ZNF608: variants seen among roughly 807,000 people sequenced by gnomAD.
ZNF608 encodes zinc finger protein 608, also known as renal carcinoma antigen NY-REN-36.
ZNF608 carries 12 observed loss-of-function variants against 109.0 expected under a neutral mutation model. The observed-to-expected ratio is 0.11, with a 90% confidence interval of 0.07 to 0.18. The LOEUF (loss-of-function observed/expected upper bound fraction) is 0.18, where lower values mean the gene tolerates loss of function less well. Ranked by LOEUF, ZNF608 falls within the 10% of genes least tolerant of loss-of-function variation. The probability of loss-of-function intolerance (pLI) is 1.00; values close to 1 mark genes in which losing one functional copy is unlikely to be tolerated. For missense variants in ZNF608, 1,707 were observed against 1,879.3 expected, an observed-to-expected ratio of 0.91 and a Z score of 1.70; for synonymous variants, 732 against 717.4, an observed-to-expected ratio of 1.02 and a Z score of -0.33.
intron 3 of ZNF608, among the ~76,000 whole-genome samples, chr5:124,672,254 C>T (rs973581710): frequency 6.6e-6 from 1 of 152,084 alleles, no homozygotes; most frequent in Non-Finnish European, 1.5e-5. Flanking sequence ...TTTTAAATAA[C>T]CACAGCATGG....
intron 3 of ZNF608, among the ~76,000 whole-genome samples, chr5:124,652,022 G>A (rs1348021938): frequency 6.6e-6 from 1 of 152,244 alleles, no homozygotes; most frequent in African/African-American, 2.4e-5. Flanking sequence ...ACAACACGCC[G>A]GCCCACGCAG....
At chr5:124,669,405 C>G (rs1444906109) in intron 3 of ZNF608, among the ~76,000 whole-genome samples, 1 of 152,156 alleles carries the variant, frequency 6.6e-6, no homozygotes, top group Non-Finnish European at 1.5e-5. Flanking sequence ...AGCATGGCAT[C>G]AGCCACCACA....
rs1749591564 is a variant in ZNF608, at chr5:124,745,129, A to G, written c.-140T>C. ...TCCTCTTCTTTTTCCTGCCCCACGA[A>G]TGTGTCCAGGGATTTTACACCCTCA... On this transcript the variant is annotated 5_prime_UTR_variant, in exon 2 of 10. Transcript: ENST00000513986. The G allele has an allele frequency of 6.9e-7, 1 of 1,442,634 alleles. No individual in the cohort carries two copies. Among genetic ancestry groups the G allele is most frequent in the South Asian group, 1.5e-5 (1 of 65,456 alleles). The allele number at this position is 1,442,634 out of a possible 1,614,324, so 89.4% of individuals were successfully genotyped here.
chr5:124,711,298 A>G (rs1753479024), intron 2 of ZNF608, among the ~76,000 whole-genome samples: 1 of 152,228 alleles, frequency 6.6e-6, no homozygotes, highest in Non-Finnish European at 1.5e-5. Context: ...ATACATATAG[A>G]AACATACAGA....
chr5:124,704,905 C>A (rs893594946), intron 2 of ZNF608, among the ~76,000 whole-genome samples: 16 of 151,912 alleles, frequency 1.1e-4, no homozygotes, highest in African/African-American at 3.1e-4. Flanking sequence ...ACGATGGCAT[C>A]CCACAAGCAG....
chr5:124,720,439 T>C (rs1361141403), intron 2 of ZNF608, among the ~76,000 whole-genome samples: 1 of 152,194 alleles, frequency 6.6e-6, no homozygotes, highest in Non-Finnish European at 1.5e-5. Flanking sequence ...ATATAAAACT[T>C]AGTAGAGGCT....
intron 3 of ZNF608, among the ~76,000 whole-genome samples, chr5:124,700,275 G>C (rs1442777164): frequency 6.6e-6 from 1 of 152,182 alleles, no homozygotes; most frequent in East Asian, 1.9e-4. Context: ...CTTCATACCT[G>C]GTGGTCATGT....
chr5:124,676,553 C>T (rs1327741301), intron 3 of ZNF608, among the ~76,000 whole-genome samples: 2 of 151,916 alleles, frequency 1.3e-5, no homozygotes, highest in African/African-American at 2.4e-5. Context: ...TATTTTGTGA[C>T]GTACCGTGTT....
At chr5:124,736,200 CATA>C (rs1749133568) in intron 2 of ZNF608, among the ~76,000 whole-genome samples, 1 of 152,172 alleles carries the variant, frequency 6.6e-6, no homozygotes, top group Non-Finnish European at 1.5e-5. Flanking sequence ...CACGGGAACA[CATA>C]ACTAAAGTGC....
intron 3 of ZNF608, among the ~76,000 whole-genome samples, chr5:124,689,707 C>A (rs1752539855): frequency 6.6e-6 from 1 of 152,152 alleles, no homozygotes; most frequent in Admixed American, 6.5e-5. Flanking sequence ...CACTACACAC[C>A]TATTAGAATG....
intron 2 of ZNF608, among the ~76,000 whole-genome samples, chr5:124,732,779 C>T (rs904859009): frequency 6.6e-6 from 1 of 152,138 alleles, no homozygotes; most frequent in Admixed American, 6.6e-5. Flanking sequence ...CTCTTTCCCA[C>T]ACACCTTTCT....
At position 124,728,267 on chromosome 5, in the gene ZNF608, AT is replaced by A. The variant is rs561380994; in HGVS notation, c.906+15816del. 1.2e-3 allele frequency among the ~76,000 whole-genome samples: 177 copies of A among 152,280 alleles called. 1 individual carries two copies. Among genetic ancestry groups the A allele is most frequent in the African/African-American group, 3.9e-3 (164 of 41,550 alleles). On this transcript the variant is annotated intron_variant, in intron 2 of 9. Coordinates refer to ENST00000513986, the MANE Select transcript of ZNF608 (RefSeq NM_020747.3). ...TTAAAATCACCTTAAGGGTCATTCA[AT>A]AGGTTGGTATTGGAGGGCAAAGCTC...
intron 3 of ZNF608, among the ~76,000 whole-genome samples, chr5:124,668,966 C>T (rs1242477716): frequency 6.6e-6 from 1 of 152,010 alleles, no homozygotes; most frequent in East Asian, 1.9e-4. Context: ...ACAGCCAAAC[C>T]CAAATGTCTC....
At position 124,746,594 on chromosome 5, in the gene ZNF608, TCAGTAATGATCC is replaced by T; in HGVS notation, c.-595_-584del. ...GTTCCAGACTTCAGAGTCACCGTGA[TCAGTAATGATCC>T]CATGTAGCAAACCTACAGGCGTCCG... is the stretch of plus-strand genomic sequence containing the variant. On this transcript the variant is annotated 5_prime_UTR_variant, in exon 1 of 10. Transcript: ENST00000513986. 1 of 985,360 alleles carries T rather than the reference TCAGTAATGATCC, an allele frequency of 1.0e-6. No individual in the cohort carries two copies. Among genetic ancestry groups the T allele is most frequent in the Non-Finnish European group, 1.2e-6 (1 of 829,930 alleles). 61.0% of individuals were successfully genotyped at this position (985,360 alleles called of 1,614,324 possible).
chr5:124,744,918 A>G lies in ZNF608; in HGVS notation c.72T>C (p.Asp24=), dbSNP rs1229533600. 6 of 1,614,214 alleles carry G rather than the reference A, an allele frequency of 3.7e-6. No individual in the cohort carries two copies. In the South Asian group the frequency reaches 6.6e-5, roughly 18 times the overall value. ...PNTVDTYDSG[D]DWEIGVGNLI... is the part of the protein sequence containing the mutation. ...AATTTCCAACCCCGATTTCCCAATCATCGCCACTGTCATAAGTATCAACTG... is the reference window on the plus strand; with the variant it reads ...AATTTCCAACCCCGATTTCCCAATCGTCGCCACTGTCATAAGTATCAACTG... The change falls in exon 2 of 10, where the codon GAT becomes GAC. Residue 24 remains aspartate, a synonymous_variant. Coordinates refer to ENST00000513986, the MANE Select transcript of ZNF608 (RefSeq NM_020747.3). The surrounding 1 kb of genome is among the most constrained non-coding windows in gnomAD (Gnocchi z 4.5).
chr5:124,672,600 T>A (rs1007564360), intron 3 of ZNF608, among the ~76,000 whole-genome samples: 1 of 152,238 alleles, frequency 6.6e-6, no homozygotes, highest in African/African-American at 2.4e-5. Context: ...AGATCTTCAG[T>A]ATAGTTGTTC....
In ZNF608 at chr5:124,643,573, C is replaced by T; in HGVS notation, c.4234G>A (p.Glu1412Lys). The T allele has an allele frequency of 6.2e-7, 1 of 1,614,190 alleles. No homozygotes were observed. The highest frequency in any genetic ancestry group is 1.7e-5 in the Admixed American group (1 of 60,022). The change falls in exon 7 of 10, where the codon GAA becomes AAA. Residue 1412 changes from glutamate to lysine, a missense_variant. Glu to Lys is a moderately conservative substitution (Grantham distance 56). Around this residue, in one of 7 missense-constraint regions of ZNF608, gnomAD observed 1,073 missense variants for 1,133.5 expected, o/e 0.95. Transcript: ENST00000513986. Reference protein sequence around the residue: ...SPSVNTKTTTESKALDLLQQH... With the variant: ...SPSVNTKTTTKSKALDLLQQH... The stretch of plus-strand genomic sequence containing the variant: ...TGGAGCAAATCCAGTGCTTTAGATT[C>T]AGTGGTTGTTTTCGTGTTGACGCTA...
chr5:124,641,249 G>C lies in ZNF608; in HGVS notation c.4450+3C>G, dbSNP rs1750221450. ...AAGACACAGTAATGATAGAGCTGCT[G>C]ACCTTGAAAAGGGTCATATTGACCC... On this transcript the variant is annotated splice_donor_region_variant and intron_variant, in intron 8 of 9. Transcript: ENST00000513986. The C allele has an allele frequency of 6.2e-7, 1 of 1,613,428 alleles. No homozygotes were observed. Among genetic ancestry groups the C allele is most frequent in the Admixed American group, 1.7e-5 (1 of 60,006 alleles).
At position 124,744,402 on chromosome 5, in the gene ZNF608, C is replaced by G. The variant is rs1365762517; in HGVS notation, c.588G>C (p.Gln196His). ...KSKEEKPGKS[Q>H]SSRGAKRDKD... ...TATCCCGCTTGGCGCCTCGGCTGCTCTGGCTTTTACCTGGCTTCTCCTCTT... is the reference window on the plus strand; with the variant it reads ...TATCCCGCTTGGCGCCTCGGCTGCTGTGGCTTTTACCTGGCTTCTCCTCTT... Residue 196 changes from glutamine to histidine, a missense_variant, in exon 2 of 10, where the codon CAG becomes CAC. Transcript: ENST00000513986. This position sits in a 1 kb window ranked among gnomAD's most constrained non-coding sequence, Gnocchi z 4.5. 1 of 1,614,272 alleles carries G rather than the reference C, an allele frequency of 6.2e-7. No homozygotes were observed. The highest frequency in any genetic ancestry group is 8.5e-7 in the Non-Finnish European group (1 of 1,180,056).
Sources: allele counts gnomAD v4.1 joint callset (sites outside exome capture counted in the v4.1 genomes callset), GRCh38; gene constraint gnomAD v4.1.1; regional missense constraint gnomAD v4.1.1; non-coding constraint Gnocchi (gnomAD v3.1); transcripts MANE v1.5; gene names NCBI Gene and HGNC (gene_info 2026-07-23, HGNC 2026-07-21).